FOXN2: variants seen among roughly 807,000 people sequenced by gnomAD.
FOXN2 encodes the protein forkhead box protein N2.
Under a neutral mutation model 41.2 loss-of-function variants are expected in FOXN2, and 19 were observed. The observed-to-expected ratio is 0.46, with a 90% confidence interval of 0.32 to 0.68. The LOEUF (loss-of-function observed/expected upper bound fraction) is 0.68. Ranked by LOEUF, FOXN2 falls within the 30% of genes least tolerant of loss-of-function variation. The pLI is 0.03. For missense variants in FOXN2, 587 were observed against 509.4 expected (o/e 1.15, Z -1.47); for synonymous variants, 195 against 176.8 (o/e 1.10, Z -0.82).
chr2:48,328,702 G>A lies in FOXN2; in HGVS notation c.-15G>A, dbSNP rs1362628292. The A allele has an allele frequency of 6.6e-6, 1 of 152,044 alleles. No individual in the cohort carries two copies. The highest frequency in any genetic ancestry group is 2.4e-5 in the African/African-American group (1 of 41,392). The allele number at this position is 152,044 out of a possible 1,614,324, so 9.4% of individuals were successfully genotyped here. A position where few individuals can be genotyped will look rare whatever the true frequency, so the allele number is the denominator to read the frequency against. Reference sequence around the variant, plus strand: ...GGTGATATTACTTCTGATTCTAGATGGTAAGTATATTTTTCTCCTTTAATT... The same window carrying A: ...GGTGATATTACTTCTGATTCTAGATAGTAAGTATATTTTTCTCCTTTAATT... On this transcript the variant is annotated splice_region_variant and 5_prime_UTR_variant, in exon 2 of 7. It removes an upstream start codon present in the reference 5' UTR. Coordinates refer to ENST00000340553, the MANE Select transcript of FOXN2 (RefSeq NM_002158.4).
chr2:48,320,383 C>T (rs535229716), intron 1 of FOXN2, among the ~76,000 whole-genome samples: 7 of 151,850 alleles, frequency 4.6e-5, no homozygotes, highest in African/African-American at 9.7e-5. Flanking sequence ...CTCTGTCTCC[C>T]GGGTTCAAGC....
At chr2:48,314,376 C>T (rs974800316), upstream of FOXN2, among the ~76,000 whole-genome samples, 1 of 152,252 alleles carries the variant, frequency 6.6e-6, no homozygotes, top group Non-Finnish European at 1.5e-5. Context: ...CAGCCCTAAA[C>T]CCGCACCGGC....
At chr2:48,333,555 C>T (rs1417698517) in intron 2 of FOXN2, among the ~76,000 whole-genome samples, 1 of 152,102 alleles carries the variant, frequency 6.6e-6, no homozygotes, top group Non-Finnish European at 1.5e-5. Context: ...GAAGTTTATG[C>T]ATTAAATTCA....
chr2:48,353,605 T>TGA (rs1553413531), intron 3 of FOXN2, among the ~76,000 whole-genome samples: 1,710 of 119,248 alleles, frequency 0.014, 41 homozygotes, highest in African/African-American at 0.049. Flanking sequence ...TGTGTGTGTG[T>TGA]GAAAGAGAAA....
At chr2:48,320,095 C>T (rs139224752) in intron 1 of FOXN2, among the ~76,000 whole-genome samples, 1 of 152,054 alleles carries the variant, frequency 6.6e-6, no homozygotes, top group African/African-American at 2.4e-5. Context: ...GAAGAGGTTT[C>T]TTATAATTAA....
chr2:48,361,151 T>G (rs1672150419), intron 4 of FOXN2, among the ~76,000 whole-genome samples: 1 of 152,172 alleles, frequency 6.6e-6, no homozygotes, highest in Non-Finnish European at 1.5e-5. Context: ...ATGTTAAAAG[T>G]GATCTTGTGG....
intron 3 of FOXN2, among the ~76,000 whole-genome samples, chr2:48,356,800 A>G (rs1331163291): frequency 6.6e-6 from 1 of 152,196 alleles, no homozygotes; most frequent in Non-Finnish European, 1.5e-5. Context: ...AATTCTTTTT[A>G]AAGTTCACCT....
At chr2:48,365,404 C>G (rs1199250970) in intron 5 of FOXN2, among the ~76,000 whole-genome samples, 1 of 152,108 alleles carries the variant, frequency 6.6e-6, no homozygotes, top group Non-Finnish European at 1.5e-5. Flanking sequence ...TTTGTATTGC[C>G]TCAATAAAGT....
chr2:48,338,755 A>G (rs898199494), intron 2 of FOXN2, among the ~76,000 whole-genome samples: 1 of 152,194 alleles, frequency 6.6e-6, no homozygotes, highest in East Asian at 1.9e-4. Context: ...GAAAGATGAA[A>G]TTGGATAAAA....
At position 48,343,941 on chromosome 2, in the gene FOXN2, AT is replaced by A. The variant is rs556346949; in HGVS notation, c.-14-2257del. On this transcript the variant is annotated intron_variant, in intron 2 of 6. Coordinates refer to ENST00000340553, the MANE Select transcript of FOXN2 (RefSeq NM_002158.4). ...AGCCACTGCTGTTTGGTACTTTCTA[AT>A]TTCTAGATGTAATGGAAGATAGATG... is the stretch of plus-strand genomic sequence containing the variant. 1.1e-3 allele frequency among the ~76,000 whole-genome samples: 168 copies of A among 152,258 alleles called. 1 individual carries two copies. Among genetic ancestry groups the A allele is most frequent in the African/African-American group, 3.8e-3 (158 of 41,546 alleles).
chr2:48,373,143 T>G (rs988160087), intron 5 of FOXN2, 149 bp from the exon 6 acceptor site: 1 of 547,498 alleles, frequency 1.8e-6, no homozygotes, highest in Non-Finnish European at 3.2e-6. Flanking sequence ...GAATAATATA[T>G]AATATCTCAT....
At position 48,346,193 on chromosome 2, in the gene FOXN2, T is replaced by G. The variant is rs780417924; in HGVS notation, c.-14-8T>G. ...GTATTACATTGATAATTGTTTCCTTTGTTGCAGAACTGTAAGAGTAAATGG... is the reference window on the plus strand; with the variant it reads ...GTATTACATTGATAATTGTTTCCTTGGTTGCAGAACTGTAAGAGTAAATGG... On this transcript the variant is annotated splice_region_variant and splice_polypyrimidine_tract_variant and intron_variant, in intron 2 of 6. Transcript: ENST00000340553. 34 of 1,555,710 alleles carry G rather than the reference T, an allele frequency of 2.2e-5. No homozygotes were observed. Among genetic ancestry groups the G allele is most frequent in the Middle Eastern group, 3.4e-4 (2 of 5,804 alleles).
intron 2 of FOXN2, among the ~76,000 whole-genome samples, chr2:48,335,208 A>G (rs1220472382): frequency 6.6e-6 from 1 of 152,260 alleles, no homozygotes; most frequent in Non-Finnish European, 1.5e-5. Context: ...AATACGTTTA[A>G]TATGTTCAGT....
chr2:48,362,126 A>G (rs775605582), intron 4 of FOXN2, among the ~76,000 whole-genome samples: 1 of 152,328 alleles, frequency 6.6e-6, no homozygotes, highest in East Asian at 1.9e-4. Context: ...AGAACATCCA[A>G]ATAGTTGTGA....
intron 3 of FOXN2, among the ~76,000 whole-genome samples, chr2:48,352,091 C>T (rs1671486740): frequency 7.6e-6 from 1 of 131,730 alleles, no homozygotes; most frequent in Non-Finnish European, 1.7e-5. Flanking sequence ...GAGAGCAAAC[C>T]AGTGAGAGTT....
intron 2 of FOXN2, among the ~76,000 whole-genome samples, chr2:48,335,027 T>C (rs1440442144): frequency 4.6e-5 from 7 of 152,134 alleles, no homozygotes. Context: ...AAACCTAACA[T>C]ATAATCATCA....
intron 6 of FOXN2, among the ~76,000 whole-genome samples, chr2:48,373,764 A>C (rs1673058912): frequency 6.6e-6 from 1 of 152,212 alleles, no homozygotes; most frequent in Non-Finnish European, 1.5e-5. Flanking sequence ...TCAAAATTTT[A>C]GCATTCTGGT....
intron 2 of FOXN2, among the ~76,000 whole-genome samples, chr2:48,336,441 G>A (rs1288955819): frequency 6.8e-6 from 1 of 147,208 alleles, no homozygotes; most frequent in South Asian, 2.3e-4. Context: ...GTATATGTGT[G>A]TGTGTGTGTG....
intron 1 of FOXN2, among the ~76,000 whole-genome samples, chr2:48,324,409 G>A (rs1248364357): frequency 6.6e-6 from 1 of 152,122 alleles, no homozygotes; most frequent in Non-Finnish European, 1.5e-5. Flanking sequence ...GGCCAGGCAG[G>A]TCTCGAACTC....
Sources: gnomAD v4.1 joint callset for allele counts (sites outside exome capture counted in the v4.1 genomes callset) on GRCh38, gnomAD v4.1.1 for gene constraint, MANE v1.5 for transcripts, NCBI Gene and HGNC (gene_info 2026-07-23, HGNC 2026-07-21) for gene names.